FHDC1: variants seen among roughly 807,000 people sequenced by gnomAD.
FHDC1 encodes FH2 domain containing 1.
Under a neutral mutation model 52.6 loss-of-function variants are expected in FHDC1, and 25 were observed. That is an observed-to-expected ratio of 0.48 (90% CI 0.35 to 0.66). FHDC1 has a LOEUF of 0.66. FHDC1 is among the 30% of genes least tolerant of loss of function. FHDC1 has a pLI of 0.01. For synonymous variants in FHDC1, 616 were observed against 581.5 expected (o/e 1.06, Z -0.85); for missense variants, 1,459 against 1,452.8 (o/e 1.00, Z -0.07).
At chr4:152,974,101 C>T (rs1740759859) in intron 11 of FHDC1, among the ~76,000 whole-genome samples, 1 of 152,146 alleles carries the variant, frequency 6.6e-6, no homozygotes, top group Non-Finnish European at 1.5e-5. Flanking sequence ...AATATTGTGG[C>T]TATACATTAA....
intron 11 of FHDC1, 99 bp from the exon 12 acceptor site, chr4:152,974,576 A>G: frequency 1.4e-6 from 2 of 1,471,972 alleles, no homozygotes; most frequent in Non-Finnish European, 9.0e-7. Flanking sequence ...GCTCCCCTCC[A>G]TGCCTGTATC....
intron 10 of FHDC1, among the ~76,000 whole-genome samples, chr4:152,969,639 ACC>A (rs1391391516): frequency 1.4e-5 from 2 of 147,148 alleles, no homozygotes; most frequent in Non-Finnish European, 1.5e-5. Context: ...TCTTGTTTTA[ACC>A]CTTTACACTT....
In FHDC1 at chr4:152,974,604, G is replaced by C. The variant is rs569334097; in HGVS notation, c.1384-71G>C. The stretch of plus-strand genomic sequence containing the variant: ...CCTGTATCTTTCTTTGGCTCTTAGC[G>C]TAGGTGGCTCTGGAACTGCACATTG... On this transcript the variant is annotated intron_variant, in intron 11 of 11. Transcript: ENST00000511601. 2.4e-5 allele frequency: 35 copies of C among 1,481,588 alleles called. No individual in the cohort carries two copies. In the African/African-American group the frequency reaches 4.6e-4, roughly 20 times the overall value. The allele number at this position is 1,481,588 out of a possible 1,614,324, so 91.8% of individuals were successfully genotyped here.
intron 10 of FHDC1, among the ~76,000 whole-genome samples, chr4:152,969,732 C>T (rs56033436): frequency 0.06 from 8,935 of 148,930 alleles, 758 homozygotes; most frequent in African/African-American, 0.19. Context: ...TGCAGTGGCA[C>T]GATCTCGGCT....
chr4:152,936,127 C>A (rs1043651261), upstream of FHDC1, among the ~76,000 whole-genome samples: 2 of 151,986 alleles, frequency 1.3e-5, no homozygotes, highest in Admixed American at 1.3e-4. Flanking sequence ...GGGCCCCGCG[C>A]AGGTGAAGGT....
rs908384934 is a variant in FHDC1, at chr4:152,976,039, C to A, written c.2748C>A (p.Gly916=). ...TCACCAAGTCCAGCAGAGGCGCCGGCTGGAGGCGACCAGAGCTGTCATCCC... is the reference window on the plus strand; with the variant it reads ...TCACCAAGTCCAGCAGAGGCGCCGGATGGAGGCGACCAGAGCTGTCATCCC... ...MPITKSSRGA[G]WRRPELSSRG... Residue 916 remains glycine, a synonymous_variant, in exon 12 of 12, where the codon GGC becomes GGA. Transcript: ENST00000511601. 2 of 1,571,848 alleles carry A rather than the reference C, an allele frequency of 1.3e-6. No individual in the cohort carries two copies. The highest frequency in any genetic ancestry group is 8.6e-7 in the Non-Finnish European group (1 of 1,163,154).
chr4:152,924,005 A>G, the FHDC1 span, among the ~76,000 whole-genome samples: 1 of 151,670 alleles, frequency 6.6e-6, no homozygotes, highest in Admixed American at 6.6e-5. Context: ...AAATTGACAA[A>G]TGGGATCTAA....
chr4:152,911,778 C>T, the FHDC1 span: 1 of 152,434 alleles, frequency 6.6e-6, no homozygotes, highest in African/African-American at 2.4e-5. Flanking sequence ...TCATTCCTTC[C>T]TGTATATTTG....
chr4:152,953,126 T>A (rs1279098396), intron 2 of FHDC1, among the ~76,000 whole-genome samples: 1 of 151,488 alleles, frequency 6.6e-6, no homozygotes, highest in Non-Finnish European at 1.5e-5. Flanking sequence ...GGAGCGAGAC[T>A]CTGTCTCCAA....
intron 2 of FHDC1, among the ~76,000 whole-genome samples, chr4:152,947,538 T>G (rs1739771753): frequency 6.6e-6 from 1 of 152,176 alleles, no homozygotes. Context: ...TGTGCGTGTC[T>G]GCCTCTACAG....
In FHDC1 at chr4:152,960,820, A is replaced by G. The variant is rs1740258355; in HGVS notation, c.826A>G (p.Thr276Ala). The G allele has an allele frequency of 6.2e-7, 1 of 1,604,548 alleles. No homozygotes were observed. Among genetic ancestry groups the G allele is most frequent in the Non-Finnish European group, 8.5e-7 (1 of 1,177,092 alleles). The change falls in exon 6 of 12, where the codon ACA becomes GCA. Residue 276 changes from threonine to alanine, a missense_variant. Transcript: ENST00000511601. ...TTGCTCTTCTCTATATACAGATATA[A>G]CAGTTTTAAGAACTGCTATAAAAGG... ...PSCSSLYTDI[T>A]VLRTAIKELM...
At chr4:152,933,143 C>A (rs1176907456), upstream of FHDC1, among the ~76,000 whole-genome samples, 1 of 152,202 alleles carries the variant, frequency 6.6e-6, no homozygotes, top group Non-Finnish European at 1.5e-5. Flanking sequence ...GGTCACACTG[C>A]CCACTGCTCA....
At chr4:152,962,940 GGTGTGTGTGTGTGTGT>G (rs34181980) in intron 7 of FHDC1, 56 bp downstream of exon 7, 39 of 936,466 alleles carry the variant, frequency 4.2e-5, no homozygotes, top group South Asian at 2.0e-4. Flanking sequence ...TCTATCTAAA[GGTGTGTGTGTGTGTGT>G]GTGTGTGTGT....
the FHDC1 span, chr4:152,927,514 AT>A: frequency 2.7e-6 from 3 of 1,099,920 alleles, 1 homozygote; most frequent in Non-Finnish European, 4.2e-6. Context: ...AACTAGATGA[AT>A]GGTGCAAAAG....
chr4:152,942,664 G>C (rs1399666420), intron 1 of FHDC1, among the ~76,000 whole-genome samples: 1 of 152,206 alleles, frequency 6.6e-6, no homozygotes, highest in African/African-American at 2.4e-5. Flanking sequence ...CCTCTAGCAG[G>C]CTCTCAATAT....
chr4:152,939,802 C>T (rs796532770), intron 1 of FHDC1, among the ~76,000 whole-genome samples: 15 of 152,304 alleles, frequency 9.8e-5, no homozygotes, highest in African/African-American at 3.1e-4. Flanking sequence ...TAGCAGCTAC[C>T]TCATCCTGTT....
chr4:152,913,930 C>T, the FHDC1 span, among the ~76,000 whole-genome samples: 1 of 152,184 alleles, frequency 6.6e-6, no homozygotes, highest in African/African-American at 2.4e-5. Flanking sequence ...ATCTGCCTGC[C>T]TCCACCTCCC....
chr4:152,976,793 A>G lies in FHDC1; in HGVS notation c.*70A>G. 2 of 1,438,156 alleles carry G rather than the reference A, an allele frequency of 1.4e-6. No homozygotes were observed. Among genetic ancestry groups the G allele is most frequent in the Non-Finnish European group, 1.8e-6 (2 of 1,091,484 alleles). 89.1% of individuals were successfully genotyped at this position (1,438,156 alleles called of 1,614,324 possible). A position where few individuals can be genotyped will look rare whatever the true frequency, so the allele number is the denominator to read the frequency against. On this transcript the variant is annotated 3_prime_UTR_variant, in exon 12 of 12. Transcript: ENST00000511601. ...ACTGACTTCTGGGACGAGGATGGGG[A>G]AAGAGGCAGCATGTCTTTGTTACAG...
the FHDC1 span, among the ~76,000 whole-genome samples, chr4:152,930,001 A>G: frequency 2.6e-5 from 4 of 152,204 alleles, no homozygotes; most frequent in African/African-American, 7.2e-5. Flanking sequence ...TCCATTTGAC[A>G]GTGTAAACTG....
Sources: gnomAD v4.1 joint callset for allele counts (sites outside exome capture counted in the v4.1 genomes callset) on GRCh38, gnomAD v4.1.1 for gene constraint, MANE v1.5 for transcripts, NCBI Gene and HGNC (gene_info 2026-07-23, HGNC 2026-07-21) for gene names.